Variants in MECOM observed in about 807,000 individuals in gnomAD.
The protein encoded by MECOM is MDS1 and EVI1 complex locus.
Under a neutral mutation model 116.3 loss-of-function variants are expected in MECOM, and 13 were observed. That is an observed-to-expected ratio of 0.11 (90% confidence interval 0.07 to 0.18). The LOEUF (loss-of-function observed/expected upper bound fraction) is 0.18. Ranked by LOEUF, MECOM falls within the 10% of genes least tolerant of loss-of-function variation. The pLI, the probability that MECOM is intolerant of heterozygous loss-of-function variation, is 1.00. For missense variants in MECOM, 1,299 were observed against 1,509.0 expected (o/e 0.86, Z 2.31); for synonymous variants, 528 against 535.2 (o/e 0.99, Z 0.19).
intron 2 of MECOM, among the ~76,000 whole-genome samples, chr3:169,232,326 G>T (rs777400394): frequency 3.2e-4 from 48 of 152,068 alleles, no homozygotes; most frequent in Non-Finnish European, 5.6e-4. Flanking sequence ...AAAATTTCCA[G>T]CTCCACCACT....
At chr3:169,619,265 G>C (rs1283565601) in intron 1 of MECOM, among the ~76,000 whole-genome samples, 1 of 152,224 alleles carries the variant, frequency 6.6e-6, no homozygotes, top group African/African-American at 2.4e-5. Flanking sequence ...GCTGTGCTGA[G>C]AAGGCCGAGG....
chr3:169,440,706 C>A (rs535120718), intron 1 of MECOM, among the ~76,000 whole-genome samples: 1 of 152,080 alleles, frequency 6.6e-6, no homozygotes, highest in South Asian at 2.1e-4. Context: ...AGGGATAAAC[C>A]ATATGCCCTC....
chr3:169,657,058 A>G (rs1159032736), intron 1 of MECOM, among the ~76,000 whole-genome samples: 1 of 152,236 alleles, frequency 6.6e-6, no homozygotes, highest in Non-Finnish European at 1.5e-5. Flanking sequence ...TAGAAACAAA[A>G]CCATCTGGGC....
intron 1 of MECOM, among the ~76,000 whole-genome samples, chr3:169,563,368 G>A (rs1016070598): frequency 1.3e-5 from 2 of 152,210 alleles, no homozygotes; most frequent in African/African-American, 4.8e-5. Context: ...AACTAAAGCA[G>A]CAGGTTTATT....
At chr3:169,162,434 G>A (rs916575385) in intron 2 of MECOM, among the ~76,000 whole-genome samples, 5 of 152,188 alleles carry the variant, frequency 3.3e-5, no homozygotes, top group African/African-American at 1.2e-4. Context: ...TCATTCGAAT[G>A]TTAAGTGCTG....
intron 1 of MECOM, among the ~76,000 whole-genome samples, chr3:169,454,539 T>C (rs1560294413): frequency 6.6e-6 from 1 of 152,162 alleles, no homozygotes; most frequent in Non-Finnish European, 1.5e-5. Context: ...GTTTTTATTA[T>C]TCCTAATGGA....
At chr3:169,643,173 C>T (rs1773714477) in intron 1 of MECOM, among the ~76,000 whole-genome samples, 1 of 152,126 alleles carries the variant, frequency 6.6e-6, no homozygotes, top group African/African-American at 2.4e-5. Flanking sequence ...CTGAAGCAAA[C>T]CAGATTGTCA....
chr3:169,171,701 A>T lies in MECOM; in HGVS notation c.376-27869T>A, dbSNP rs115107503. ...TCCAAAGGAAGGCAATGATGAAAATATATAATAACAAGGATAAGAAGCTAT... is the reference window on the plus strand; with the variant it reads ...TCCAAAGGAAGGCAATGATGAAAATTTATAATAACAAGGATAAGAAGCTAT... On this transcript the variant is annotated intron_variant, in intron 2 of 16. Transcript: ENST00000651503. 8.2e-3 allele frequency among the ~76,000 whole-genome samples: 1,248 copies of T among 152,256 alleles called. 8 individuals carry two copies. The highest frequency in any genetic ancestry group is 0.021 in the South Asian group (99 of 4,826).
chr3:169,649,990 G>A (rs982908189), intron 1 of MECOM, among the ~76,000 whole-genome samples: 2 of 152,104 alleles, frequency 1.3e-5, no homozygotes, highest in Non-Finnish European at 2.9e-5. Flanking sequence ...GTAAAGGAAT[G>A]GGCTGAACTA....
intron 3 of MECOM, among the ~76,000 whole-genome samples, chr3:169,134,283 A>G (rs1735698233): frequency 1.3e-5 from 2 of 152,216 alleles, no homozygotes; most frequent in Admixed American, 1.3e-4. Flanking sequence ...CAAGACATAG[A>G]TCACTACTGT....
chr3:169,455,805 C>A (rs985413634), intron 1 of MECOM, among the ~76,000 whole-genome samples: 2 of 152,156 alleles, frequency 1.3e-5, no homozygotes, highest in Non-Finnish European at 2.9e-5. Context: ...GAGACACCAG[C>A]CACTTCCAAA....
At chr3:169,627,621 G>C (rs1460529653) in intron 1 of MECOM, among the ~76,000 whole-genome samples, 1 of 152,162 alleles carries the variant, frequency 6.6e-6, no homozygotes, top group East Asian at 1.9e-4. Flanking sequence ...ATGTAATTTT[G>C]AATTTCTAGT....
intron 2 of MECOM, among the ~76,000 whole-genome samples, chr3:169,221,346 G>A (rs1297672008): frequency 6.6e-6 from 1 of 152,010 alleles, no homozygotes; most frequent in East Asian, 1.9e-4. Flanking sequence ...TAAATACTTC[G>A]GTAACATTTT....
intron 1 of MECOM, among the ~76,000 whole-genome samples, chr3:169,528,903 G>A (rs1026746508): frequency 1.3e-5 from 2 of 152,168 alleles, no homozygotes; most frequent in South Asian, 2.1e-4. Flanking sequence ...TCTAACATTC[G>A]TTGTTGGAAC....
At chr3:169,172,427 G>A (rs1478950805) in intron 2 of MECOM, among the ~76,000 whole-genome samples, 3 of 151,462 alleles carry the variant, frequency 2.0e-5, no homozygotes. Context: ...GTGTGTGTGT[G>A]TGTGTGTGTG....
chr3:169,297,318 T>G (rs564747526), intron 2 of MECOM, among the ~76,000 whole-genome samples: 3 of 152,342 alleles, frequency 2.0e-5, no homozygotes, highest in Admixed American at 1.3e-4. Flanking sequence ...TGAGATCACT[T>G]TTGATACTCC....
At chr3:169,481,220 G>A (rs1452215728) in intron 1 of MECOM, among the ~76,000 whole-genome samples, 7 of 152,152 alleles carry the variant, frequency 4.6e-5, no homozygotes, top group African/African-American at 1.7e-4. Flanking sequence ...ACTTTTAGCT[G>A]TATATCTTGG....
intron 1 of MECOM, among the ~76,000 whole-genome samples, chr3:169,553,894 C>A (rs1761703692): frequency 6.6e-6 from 1 of 152,148 alleles, no homozygotes; most frequent in African/African-American, 2.4e-5. Context: ...TAGCTTAATT[C>A]CCTCTTTAAA....
intron 2 of MECOM, among the ~76,000 whole-genome samples, chr3:169,375,992 G>A (rs910877988): frequency 2.0e-5 from 3 of 152,056 alleles, no homozygotes; most frequent in East Asian, 3.9e-4. Flanking sequence ...CGATCAAGTC[G>A]GCTTCATCCC....
Sources: allele counts gnomAD v4.1 joint callset (sites outside exome capture counted in the v4.1 genomes callset), GRCh38; gene constraint gnomAD v4.1.1; transcripts MANE v1.5; gene names NCBI Gene and HGNC (gene_info 2026-07-23, HGNC 2026-07-21).